COL9A1: variants seen among roughly 807,000 people sequenced by gnomAD.
COL9A1 encodes the protein collagen alpha-1(IX) chain.
In COL9A1, 104 loss-of-function variants were observed where a neutral mutation model predicts 142.6. That is an observed-to-expected ratio of 0.73 (90% CI 0.62 to 0.86). COL9A1 has a LOEUF of 0.86. Among genes scored for constraint, COL9A1 ranks in the 40% least tolerant of loss-of-function variants. The pLI is 0.00. For synonymous variants in COL9A1, 466 were observed against 396.0 expected, an observed-to-expected ratio of 1.18 and a Z score of -2.10; for missense variants, 1,210 against 1,176.6, an observed-to-expected ratio of 1.03 and a Z score of -0.42.
chr6:70,224,063 T>TC (rs1309227621), intron 37 of COL9A1, among the ~76,000 whole-genome samples: 1 of 152,144 alleles, frequency 6.6e-6, no homozygotes, highest in Admixed American at 6.5e-5. Context: ...AGGACAGGTA[T>TC]TAGGAGTCCC....
At chr6:70,279,666 A>AAAAAAAAAAAAAAAAAAAAAAAAC (rs1562322878) in intron 10 of COL9A1, 1 of 170,740 alleles carries the variant, frequency 5.9e-6, no homozygotes, top group African/African-American at 2.6e-5. Flanking sequence ...AAAAAAAAAA[A>AAAAAAAAAAAAAAAAAAAAAAAAC]AAAACACATA....
At chr6:70,266,591 T>C in intron 18 of COL9A1, 126 bp downstream of exon 18, 1 of 816,220 alleles carries the variant, frequency 1.2e-6, no homozygotes, top group Admixed American at 1.8e-5. Flanking sequence ...AACTTATCAA[T>C]CATTATTTAA....
At chr6:70,287,155 G>C (rs1364294344) in intron 5 of COL9A1, among the ~76,000 whole-genome samples, 1 of 152,076 alleles carries the variant, frequency 6.6e-6, no homozygotes, top group African/African-American at 2.4e-5. Flanking sequence ...ATTATAAGCA[G>C]AGACACGGAG....
Position 70,239,481 on chromosome 6 carries a change from C to T in COL9A1, c.2080-195G>A, listed in dbSNP as rs891571243. On this transcript the variant is annotated intron_variant, in intron 32 of 37. Transcript: ENST00000357250. ...ACTTAACTCTGTGACCCTCTGTAAGCTATGTAGCCTCCCAGCCTTTGGCTA... is the reference window on the plus strand; with the variant it reads ...ACTTAACTCTGTGACCCTCTGTAAGTTATGTAGCCTCCCAGCCTTTGGCTA... Among the ~76,000 whole-genome samples, 4 of 152,212 alleles carry T rather than the reference C, an allele frequency of 2.6e-5. No individual in the cohort carries two copies. In the South Asian group the frequency reaches 8.3e-4, roughly 31 times the overall value.
chr6:70,297,442 G>T (rs1425254517), intron 4 of COL9A1, among the ~76,000 whole-genome samples: 2 of 151,876 alleles, frequency 1.3e-5, no homozygotes, highest in Non-Finnish European at 2.9e-5. Flanking sequence ...AATTTATTTT[G>T]GTATTCATAC....
intron 35 of COL9A1, among the ~76,000 whole-genome samples, chr6:70,234,074 C>A (rs981986449): frequency 6.6e-6 from 1 of 152,144 alleles, no homozygotes; most frequent in Non-Finnish European, 1.5e-5. Flanking sequence ...CATATGTGTA[C>A]ATGAATGGCG....
At position 70,266,746 on chromosome 6, in the gene COL9A1, T is replaced by A; in HGVS notation, c.1312A>T (p.Ile438Phe). 1 of 1,613,530 alleles carries A rather than the reference T, an allele frequency of 6.2e-7. No homozygotes were observed. The highest frequency in any genetic ancestry group is 8.5e-7 in the Non-Finnish European group (1 of 1,179,538). Residue 438 changes from isoleucine (I) to phenylalanine (F), a missense_variant, in exon 18 of 38, where the codon ATT (isoleucine) becomes TTT (phenylalanine). Transcript: ENST00000357250. The stretch of plus-strand genomic sequence containing the variant: ...TGTCCTTGTCTTCCTGGTTCACCAA[T>A]TTCTCCTTTAGCCCCTTTATGACCC... ...MRGHKGAKGE[I>F]GEPGRQGHKG...
Position 70,216,654 on chromosome 6 carries a change from C to CTTTTT in COL9A1, c.*238_*242dup. The stretch of plus-strand genomic sequence containing the variant: ...TTATTCAAGGGAGGTGTTTGGTTTT[C>CTTTTT]TTTTTTTTTTTTTAACTGATGACTC... On this transcript the variant is annotated 3_prime_UTR_variant, in exon 38 of 38. Transcript: ENST00000357250. The CTTTTT allele has an allele frequency of 4.1e-6, 2 of 482,448 alleles. No individual in the cohort carries two copies. The highest frequency in any genetic ancestry group is 2.4e-5 in the South Asian group (1 of 42,214). The allele number at this position is 482,448 out of a possible 1,614,324, so 29.9% of individuals were successfully genotyped here. A position where few individuals can be genotyped will look rare whatever the true frequency, so the allele number is the denominator to read the frequency against.
At chr6:70,228,027 G>A (rs1190802895) in intron 36 of COL9A1, among the ~76,000 whole-genome samples, 1 of 152,072 alleles carries the variant, frequency 6.6e-6, no homozygotes, top group Non-Finnish European at 1.5e-5. Context: ...TTAGGCAGAT[G>A]GGAGACAGGG....
At chr6:70,274,021 A>T (rs773088838) in intron 12 of COL9A1, 26 bp downstream of exon 12, 2 of 1,457,770 alleles carry the variant, frequency 1.4e-6, no homozygotes, top group Non-Finnish European at 1.8e-6. Flanking sequence ...GGAAATTTTC[A>T]ATTCTGTAGC....
intron 10 of COL9A1, chr6:70,280,380 A>G: frequency 1.7e-6 from 2 of 1,170,406 alleles, no homozygotes; most frequent in East Asian, 4.4e-5. Flanking sequence ...TTCTAAATTA[A>G]TGCAGGGAGT....
At chr6:70,226,060 CTT>C in intron 36 of COL9A1, 51 bp from the exon 37 acceptor site, 1 of 1,462,196 alleles carries the variant, frequency 6.8e-7, no homozygotes, top group South Asian at 1.1e-5. Context: ...TAAAAATAAA[CTT>C]CCGCATCTTT....
At chr6:70,234,312 A>AAAAAG (rs1769753465) in intron 35 of COL9A1, among the ~76,000 whole-genome samples, 1 of 151,678 alleles carries the variant, frequency 6.6e-6, no homozygotes, top group Non-Finnish European at 1.5e-5. Context: ...AACAAAAAAA[A>AAAAAG]GGCAGGATAA....
chr6:70,299,985 A>G, intron 4 of COL9A1, 58 bp downstream of exon 4: 1 of 1,489,716 alleles, frequency 6.7e-7, no homozygotes, highest in South Asian at 1.1e-5. Context: ...TTGGATAGCT[A>G]TCCATTTTTA....
intron 4 of COL9A1, among the ~76,000 whole-genome samples, chr6:70,295,281 CTT>C (rs1171549562): frequency 5.1e-4 from 32 of 63,166 alleles, no homozygotes; most frequent in East Asian, 1.1e-3. Flanking sequence ...GTTGTTGCTT[CTT>C]TTTTTTTTTT....
At chr6:70,225,780 A>G (rs1397464508) in intron 37 of COL9A1, 152 bp downstream of exon 37, 1 of 694,390 alleles carries the variant, frequency 1.4e-6, no homozygotes, top group African/African-American at 1.8e-5. Flanking sequence ...TTCTTTACTA[A>G]AGCTGGTCTT....
intron 36 of COL9A1, among the ~76,000 whole-genome samples, chr6:70,230,057 T>C (rs753996364): frequency 5.9e-5 from 9 of 152,200 alleles, no homozygotes; most frequent in Non-Finnish European, 1.0e-4. Flanking sequence ...ATACCATCCC[T>C]TCTTTACCAG....
rs368687599 is a variant in COL9A1, at chr6:70,273,987, A to G, written c.1065+60T>C. The G allele has an allele frequency of 3.4e-4, 341 of 991,402 alleles. 1 individual carries two copies. In the African/African-American group the frequency reaches 4.3e-3, roughly 12 times the overall value. The allele number at this position is 991,402 out of a possible 1,614,324, so 61.4% of individuals were successfully genotyped here. A position where few individuals can be genotyped will look rare whatever the true frequency, so the allele number is the denominator to read the frequency against. ...AATAAATAAATAAAAAGATTTCACA[A>G]TGGCAGAATTTTACCTAAAGATAGG... On this transcript the variant is annotated intron_variant, in intron 12 of 37. Coordinates refer to ENST00000357250, the MANE Select transcript of COL9A1 (RefSeq NM_001851.6).
At chr6:70,223,066 T>C (rs1288593566) in intron 37 of COL9A1, among the ~76,000 whole-genome samples, 1 of 152,058 alleles carries the variant, frequency 6.6e-6, no homozygotes, top group Non-Finnish European at 1.5e-5. Flanking sequence ...GCATTTGTGA[T>C]TTGGAGTTGA....
Sources: gnomAD v4.1 joint callset for allele counts (sites outside exome capture counted in the v4.1 genomes callset) on GRCh38, gnomAD v4.1.1 for gene constraint, MANE v1.5 for transcripts, NCBI Gene and HGNC (gene_info 2026-07-23, HGNC 2026-07-21) for gene names.